The following CTDSP2 variants were observed in gnomAD, a reference collection of about 807,000 sequenced individuals.
The protein encoded by CTDSP2 is carboxy-terminal domain RNA polymerase II polypeptide A small phosphatase 2.
Under a neutral mutation model 31.6 loss-of-function variants are expected in CTDSP2, and 9 were observed. The ratio of observed to expected loss-of-function variants is 0.28; its 90% confidence interval spans 0.17 to 0.50. CTDSP2 has a LOEUF of 0.50. CTDSP2 is among the 20% of genes least tolerant of loss of function. The pLI is 0.98. For synonymous variants in CTDSP2, 134 were observed against 134.5 expected, an observed-to-expected ratio of 1.00 and a Z score of 0.03; for missense variants, 267 against 348.5, an observed-to-expected ratio of 0.77 and a Z score of 1.86.
chr12:57,831,045 G>C (rs187861188), intron 1 of CTDSP2, among the ~76,000 whole-genome samples: 1 of 147,828 alleles, frequency 6.8e-6, no homozygotes, highest in Non-Finnish European at 1.5e-5. Flanking sequence ...ACTGCGCCTG[G>C]CCACAAAGTC....
chr12:57,844,319 C>A (rs577145476), intron 1 of CTDSP2, among the ~76,000 whole-genome samples: 2 of 152,336 alleles, frequency 1.3e-5, no homozygotes, highest in Non-Finnish European at 2.9e-5. Flanking sequence ...CACTGTCAAG[C>A]CAGTTGCTTT....
At position 57,823,525 on chromosome 12, in the gene CTDSP2, C is replaced by T; in HGVS notation, c.*77G>A. ...GTGTGGTGAGGCACTCCAGCTTCTA[C>T]TCTGTCACGCTGATCGTAAAGGCAC... On this transcript the variant is annotated 3_prime_UTR_variant, in exon 8 of 8. Coordinates refer to ENST00000398073, the MANE Select transcript of CTDSP2 (RefSeq NM_005730.4). 6.5e-7 allele frequency: 1 copy of T among 1,547,354 alleles called. No individual in the cohort carries two copies.
At chr12:57,844,065 C>T (rs1237903204) in intron 1 of CTDSP2, among the ~76,000 whole-genome samples, 1 of 152,160 alleles carries the variant, frequency 6.6e-6, no homozygotes, top group Non-Finnish European at 1.5e-5. Context: ...CGTGATGGCG[C>T]GCGCCTGTAA....
chr12:57,846,189 C>T (rs1452127831), intron 1 of CTDSP2, among the ~76,000 whole-genome samples, 183 bp downstream of exon 1: 1 of 152,188 alleles, frequency 6.6e-6, no homozygotes, highest in Non-Finnish European at 1.5e-5. Context: ...CCGGGATCCC[C>T]GTGCAACCCC....
intron 1 of CTDSP2, chr12:57,842,498 G>C (rs910842479): frequency 1.4e-4 from 21 of 152,220 alleles, no homozygotes; most frequent in African/African-American, 5.1e-4. Context: ...GGAAAGCTCT[G>C]CAAGTCAACT....
chr12:57,833,458 T>G (rs1875125), intron 1 of CTDSP2, among the ~76,000 whole-genome samples: 42,544 of 152,146 alleles, frequency 0.28, 7,780 homozygotes, highest in East Asian at 0.72. Context: ...CCCACTCCCT[T>G]GATGGGGCCC....
At chr12:57,841,558 G>A (rs1255503443) in intron 1 of CTDSP2, among the ~76,000 whole-genome samples, 1 of 152,196 alleles carries the variant, frequency 6.6e-6, no homozygotes, top group African/African-American at 2.4e-5. Context: ...CAGACAGAAT[G>A]GCCAAAGTCC....
At chr12:57,835,624 C>G (rs780419592) in intron 1 of CTDSP2, among the ~76,000 whole-genome samples, 1 of 152,228 alleles carries the variant, frequency 6.6e-6, no homozygotes, top group Admixed American at 6.5e-5. Flanking sequence ...TCTGCTTTCT[C>G]TGCCCCAAAC....
intron 1 of CTDSP2, among the ~76,000 whole-genome samples, chr12:57,835,838 G>T (rs904012524): frequency 4.6e-5 from 7 of 152,162 alleles, no homozygotes; most frequent in African/African-American, 1.4e-4. Flanking sequence ...GGATCATCAG[G>T]GCTGGGGTCC....
At chr12:57,844,131 G>C (rs565765747) in intron 1 of CTDSP2, among the ~76,000 whole-genome samples, 22 of 152,104 alleles carry the variant, frequency 1.4e-4, no homozygotes, top group African/African-American at 5.3e-4. Context: ...GGAGGCGGAG[G>C]TTGCAGTGAG....
chr12:57,824,161 GA>G, intron 6 of CTDSP2, 65 bp downstream of exon 6: 1 of 1,609,776 alleles, frequency 6.2e-7, no homozygotes, highest in African/African-American at 1.3e-5. Flanking sequence ...GACCAAAAGG[GA>G]GCTGCTGGAC....
chr12:57,822,048 T>C lies in CTDSP2; in HGVS notation c.*1554A>G, dbSNP rs1309170942. 5 of 152,184 alleles carry C rather than the reference T, an allele frequency of 3.3e-5. No individual in the cohort carries two copies. The highest frequency in any genetic ancestry group is 1.2e-4 in the African/African-American group (5 of 41,422). 9.4% of individuals were successfully genotyped at this position (152,184 alleles called of 1,614,324 possible). A position where few individuals can be genotyped will look rare whatever the true frequency, so the allele number is the denominator to read the frequency against. On this transcript the variant is annotated 3_prime_UTR_variant, in exon 8 of 8. Coordinates refer to ENST00000398073, the MANE Select transcript of CTDSP2 (RefSeq NM_005730.4). The stretch of plus-strand genomic sequence containing the variant: ...CACCTAAAGCAATTCACAAATGCTT[T>C]GTGATACCTGCCTCCAGGGAACACA...
At chr12:57,824,467 C>A (rs894882807) in intron 5 of CTDSP2, 148 bp from the exon 6 acceptor site, 2 of 692,984 alleles carry the variant, frequency 2.9e-6, no homozygotes, top group Non-Finnish European at 5.2e-6. Flanking sequence ...CTGCGGCCCC[C>A]TGAGACCCCA....
intron 1 of CTDSP2, among the ~76,000 whole-genome samples, chr12:57,834,641 G>A (rs1310215653): frequency 3.3e-5 from 5 of 152,210 alleles, no homozygotes; most frequent in Non-Finnish European, 1.5e-5. Context: ...TCTGAAACTT[G>A]TGTCAAAGAG....
At chr12:57,835,393 G>C (rs10877026) in intron 1 of CTDSP2, among the ~76,000 whole-genome samples, 43,358 of 151,608 alleles carry the variant, frequency 0.29, 7,863 homozygotes, top group East Asian at 0.74. Context: ...CTGGGCTCAA[G>C]CAATCCTCCT....
chr12:57,826,491 G>A, intron 4 of CTDSP2, 89 bp from the exon 5 acceptor site: 1 of 1,301,080 alleles, frequency 7.7e-7, no homozygotes, highest in Non-Finnish European at 1.1e-6. Flanking sequence ...GGAGAAACAG[G>A]TCTTAAAGAC....
chr12:57,834,684 C>T (rs922077089), intron 1 of CTDSP2, among the ~76,000 whole-genome samples: 2 of 152,226 alleles, frequency 1.3e-5, no homozygotes, highest in Non-Finnish European at 2.9e-5. Context: ...CAGCACTCAG[C>T]ATTGTGTCCT....
chr12:57,824,968 C>A (rs2140473422), intron 5 of CTDSP2, among the ~76,000 whole-genome samples: 1 of 152,300 alleles, frequency 6.6e-6, no homozygotes. Context: ...TGACTCTAGC[C>A]TACACAGCTG....
In CTDSP2 at chr12:57,824,306, T is replaced by C. The variant is rs113443562; in HGVS notation, c.425A>G (p.Lys142Arg). 1 of 1,613,664 alleles carries C rather than the reference T, an allele frequency of 6.2e-7. No homozygotes were observed. Among genetic ancestry groups the C allele is most frequent in the African/African-American group, 1.3e-5 (1 of 74,908 alleles). The change falls in exon 6 of 8, where the codon AAG becomes AGG. Residue 142 changes from lysine (K) to arginine (R), a missense_variant. Lys to Arg is a conservative substitution (Grantham distance 26). Coordinates refer to ENST00000398073, the MANE Select transcript of CTDSP2 (RefSeq NM_005730.4). ...CAGGAACTCATCCACATAAGGCCTC[T>C]TGAGCACATACACCTGAGGAAGAGC... ...EGTTHQVYVL[K>R]RPYVDEFLRR... is the part of the protein sequence containing the mutation.
Sources: gnomAD v4.1 joint callset for allele counts (sites outside exome capture counted in the v4.1 genomes callset) on GRCh38, gnomAD v4.1.1 for gene constraint, MANE v1.5 for transcripts, NCBI Gene and HGNC (gene_info 2026-07-23, HGNC 2026-07-21) for gene names.